BBS12: variants seen among roughly 807,000 people sequenced by gnomAD.
BBS12 encodes the protein chaperonin-containing T-complex member BBS12.
BBS12 carries 5 observed loss-of-function variants against 5.6 expected under a neutral mutation model. That is an observed-to-expected ratio of 0.89 (90% CI 0.46 to 1.86). The LOEUF is 1.86. BBS12 is among the 40% of genes most tolerant of loss of function. BBS12 has a pLI of 0.01. For missense variants in BBS12, 748 were observed against 830.4 expected (o/e 0.90, Z 1.22); for synonymous variants, 308 against 306.8 (o/e 1.00, Z -0.04).
In BBS12 at chr4:122,743,350, C is replaced by A; in HGVS notation, c.1458C>A (p.Asn486Lys). Reference sequence around the variant, plus strand: ...CTTTGGATGTTGTAGATAGGAACAACAGAATCGCAATCTTATTAAAAACAG... The same window carrying A: ...CTTTGGATGTTGTAGATAGGAACAAAAGAATCGCAATCTTATTAAAAACAG... ...SSPLDVVDRN[N>K]RIAILLKTEG... Residue 486 changes from asparagine (N) to lysine (K), a missense_variant, in exon 2 of 2, where the codon AAC (asparagine) becomes AAA (lysine). Transcript: ENST00000314218. 2 of 1,614,144 alleles carry A rather than the reference C, an allele frequency of 1.2e-6. No homozygotes were observed. Among genetic ancestry groups the A allele is most frequent in the Non-Finnish European group, 1.7e-6 (2 of 1,180,032 alleles).
At chr4:122,707,054 CTTT>C in the BBS12 span, among the ~76,000 whole-genome samples, 7 of 72,254 alleles carry the variant, frequency 9.7e-5, no homozygotes, top group African/African-American at 2.5e-4. Context: ...CTCTCTCTCT[CTTT>C]TTTTTTTTTT....
chr4:122,742,878 G>A lies in BBS12; in HGVS notation c.986G>A (p.Cys329Tyr). Residue 329 changes from cysteine to tyrosine, a missense_variant, in exon 2 of 2, where the codon TGT becomes TAT. Physicochemically the swap from Cys to Tyr is radical, Grantham distance 194. Transcript: ENST00000314218. ...CLPGLPETSS[C>Y]VCPGYITVVS... is the part of the protein sequence containing the mutation. ...CCAGGCTTACCTGAAACTTCTTCTT[G>A]TGTTTGTCCAGGATATATCACTGTT... 1 of 1,614,194 alleles carries A rather than the reference G, an allele frequency of 6.2e-7. No homozygotes were observed. The highest frequency in any genetic ancestry group is 8.5e-7 in the Non-Finnish European group (1 of 1,180,030).
chr4:122,716,380 T>C, the BBS12 span, among the ~76,000 whole-genome samples: 80 of 152,014 alleles, frequency 5.3e-4, no homozygotes, highest in African/African-American at 1.1e-3. Context: ...CCCTCAGAAG[T>C]AACCATTGAC....
rs974173261 is a variant in BBS12 at position 122,742,681 on chromosome 4, C to A, written c.789C>A (p.Tyr263Ter). The stretch of plus-strand genomic sequence containing the variant: ...ATGTTACAGCTACTCACAAAACTTA[C>A]AGATGTAATGATTTGGTAGAGTTGG... ...QEHVTATHKT[Y>*]RCNDLVELAV... Residue 263 changes from tyrosine to a stop codon, truncating the protein, a stop_gained, in exon 2 of 2, where the codon TAC (tyrosine) becomes TAA (stop). Transcript: ENST00000314218. LOFTEE classifies it low-confidence loss of function (END_TRUNC). 1.2e-6 allele frequency: 2 copies of A among 1,614,202 alleles called. No homozygotes were observed. Among genetic ancestry groups the A allele is most frequent in the Non-Finnish European group, 1.7e-6 (2 of 1,180,038 alleles).
upstream of BBS12, among the ~76,000 whole-genome samples, chr4:122,728,204 T>C (rs1307765109): frequency 6.6e-6 from 1 of 152,160 alleles, no homozygotes; most frequent in East Asian, 1.9e-4. Flanking sequence ...ATTAAACATA[T>C]GTATAAGGAT....
At chr4:122,716,584 T>C in the BBS12 span, among the ~76,000 whole-genome samples, 2 of 148,608 alleles carry the variant, frequency 1.3e-5, no homozygotes, top group Non-Finnish European at 3.0e-5. Context: ...TATGTATATA[T>C]ACACATATGT....
At chr4:122,705,648 C>A in the BBS12 span, among the ~76,000 whole-genome samples, 2 of 151,926 alleles carry the variant, frequency 1.3e-5, no homozygotes, top group Non-Finnish European at 2.9e-5. Flanking sequence ...CCTGGCATAG[C>A]CTAAGAAGAA....
At chr4:122,716,717 G>GTA in the BBS12 span, among the ~76,000 whole-genome samples, 320 of 118,426 alleles carry the variant, frequency 2.7e-3, 22 homozygotes, top group African/African-American at 0.012. Context: ...ATACACATAT[G>GTA]TGTGTATATA....
At chr4:122,737,618 A>C (rs1800802220) in intron 1 of BBS12, among the ~76,000 whole-genome samples, 1 of 152,224 alleles carries the variant, frequency 6.6e-6, no homozygotes, top group African/African-American at 2.4e-5. Flanking sequence ...CTTTCAACAA[A>C]TTATTCTGGA....
the BBS12 span, among the ~76,000 whole-genome samples, chr4:122,716,636 T>TGC: frequency 0.18 from 22,711 of 125,838 alleles, 3,467 homozygotes; most frequent in East Asian, 0.5. Flanking sequence ...CACATATGTA[T>TGC]ATACACACGT....
Position 122,744,088 on chromosome 4 carries a change from T to C in BBS12, c.*63T>C, listed in dbSNP as rs1343569307. 5 of 1,525,554 alleles carry C rather than the reference T, an allele frequency of 3.3e-6. No individual in the cohort carries two copies. The African/African-American group carries it at 6.9e-5, about 21-fold the overall frequency. 94.5% of individuals were successfully genotyped at this position (1,525,554 alleles called of 1,614,324 possible). On this transcript the variant is annotated 3_prime_UTR_variant, in exon 2 of 2. Coordinates refer to ENST00000314218, the MANE Select transcript of BBS12 (RefSeq NM_152618.3). ...ATATGTCATGCTAATAATAAATATA[T>C]TGATAGCCAAGTCATGGTGCCTAAA...
chr4:122,739,413 C>T (rs562520716), intron 1 of BBS12, among the ~76,000 whole-genome samples: 1 of 152,198 alleles, frequency 6.6e-6, no homozygotes, highest in Non-Finnish European at 1.5e-5. Context: ...GGATGTCCCA[C>T]AGCACTATAG....
chr4:122,705,548 TA>T, the BBS12 span, among the ~76,000 whole-genome samples: 5 of 152,264 alleles, frequency 3.3e-5, no homozygotes, highest in African/African-American at 1.2e-4. Context: ...CTATTATTTC[TA>T]AAATAATTTC....
At chr4:122,712,621 C>T in the BBS12 span, among the ~76,000 whole-genome samples, 28 of 152,104 alleles carry the variant, frequency 1.8e-4, no homozygotes, top group Admixed American at 6.5e-4. Context: ...AAAATGCAAA[C>T]GAAAAATACA....
the BBS12 span, among the ~76,000 whole-genome samples, chr4:122,702,598 T>A: frequency 6.6e-6 from 1 of 152,180 alleles, no homozygotes; most frequent in African/African-American, 2.4e-5. Flanking sequence ...CTAAATGCCA[T>A]CAACTGGGCC....
the BBS12 span, among the ~76,000 whole-genome samples, chr4:122,719,933 G>T: frequency 6.6e-6 from 1 of 152,002 alleles, no homozygotes; most frequent in Admixed American, 6.5e-5. Context: ...TCCCCATTCC[G>T]CCAAAGAATC....
chr4:122,723,796 G>C, the BBS12 span, among the ~76,000 whole-genome samples: 1 of 152,144 alleles, frequency 6.6e-6, no homozygotes, highest in Non-Finnish European at 1.5e-5. Flanking sequence ...TGCAAAATGG[G>C]ATGTTTAAAA....
chr4:122,743,486 G>C lies in BBS12; in HGVS notation c.1594G>C (p.Glu532Gln). The change falls in exon 2 of 2, where the codon GAG (glutamate) becomes CAG (glutamine). Residue 532 changes from glutamate (E) to glutamine (Q), a missense_variant. Transcript: ENST00000314218. The stretch of plus-strand genomic sequence containing the variant: ...CTATCGTTTGTATTATGCTCTAAAA[G>C]AGGAAAAGGTCTTCCTTGGAGGTGG... ...CAYRLYYALK[E>Q]EKVFLGGGAV... The C allele has an allele frequency of 6.2e-7, 1 of 1,614,228 alleles. No homozygotes were observed. Among genetic ancestry groups the C allele is most frequent in the Non-Finnish European group, 8.5e-7 (1 of 1,180,048 alleles).
At chr4:122,704,346 AAACT>A in the BBS12 span, among the ~76,000 whole-genome samples, 1 of 152,248 alleles carries the variant, frequency 6.6e-6, no homozygotes, top group Non-Finnish European at 1.5e-5. Context: ...GCAGTTTTAA[AAACT>A]AACTCTGGGA....
Sources: allele counts gnomAD v4.1 joint callset (sites outside exome capture counted in the v4.1 genomes callset), GRCh38; gene constraint gnomAD v4.1.1; transcripts MANE v1.5; gene names NCBI Gene and HGNC (gene_info 2026-07-23, HGNC 2026-07-21).